Variants in HNF4G observed in about 807,000 individuals in gnomAD.
HNF4G encodes hepatocyte nuclear factor 4 gamma, also known as hepatocyte nuclear factor 4-gamma.
In HNF4G, 21 loss-of-function variants were observed where a neutral mutation model predicts 50.9. The observed-to-expected ratio is 0.41, with a 90% CI of 0.29 to 0.59. HNF4G has a LOEUF of 0.59. HNF4G is among the 20% of genes least tolerant of loss of function. The pLI is 0.26. For synonymous variants in HNF4G, 198 were observed against 185.6 expected (o/e 1.07, Z -0.54); for missense variants, 527 against 559.4 (o/e 0.94, Z 0.58).
chr8:75,515,956 G>A (rs556972714), intron 2 of HNF4G, among the ~76,000 whole-genome samples: 1 of 152,110 alleles, frequency 6.6e-6, no homozygotes, highest in African/African-American at 2.4e-5. Context: ...GTAGAGACAG[G>A]GTTTCTCATC....
intron 1 of HNF4G, among the ~76,000 whole-genome samples, chr8:75,487,476 T>C (rs1170144386): frequency 4.6e-5 from 7 of 152,128 alleles, no homozygotes; most frequent in Non-Finnish European, 1.0e-4. Flanking sequence ...AAACCCTCCA[T>C]AAAATAGTCC....
intron 2 of HNF4G, among the ~76,000 whole-genome samples, chr8:75,509,645 A>G (rs1324000284): frequency 6.6e-6 from 1 of 152,240 alleles, no homozygotes; most frequent in African/African-American, 2.4e-5. Context: ...CACGTGATGT[A>G]TAATGATGTT....
intron 1 of HNF4G, among the ~76,000 whole-genome samples, chr8:75,449,882 A>T (rs1356385626): frequency 6.6e-6 from 1 of 152,120 alleles, no homozygotes; most frequent in Non-Finnish European, 1.5e-5. Context: ...ATCTACTTAA[A>T]ATCTATTCTC....
At chr8:75,420,949 A>G (rs928689972) in intron 1 of HNF4G, among the ~76,000 whole-genome samples, 2 of 152,220 alleles carry the variant, frequency 1.3e-5, no homozygotes, top group Non-Finnish European at 2.9e-5. Flanking sequence ...AAGAAGTGCT[A>G]GTTGAGGACT....
chr8:75,541,088 C>T (rs1806608162), intron 1 of HNF4G, among the ~76,000 whole-genome samples: 1 of 151,984 alleles, frequency 6.6e-6, no homozygotes, highest in African/African-American at 2.4e-5. Flanking sequence ...TTCAGGAAAT[C>T]ACTGTTTTGT....
chr8:75,552,991 G>A (rs1239258592), intron 4 of HNF4G, 51 bp from the exon 5 acceptor site: 4 of 1,344,926 alleles, frequency 3.0e-6, no homozygotes, highest in South Asian at 1.4e-5. Flanking sequence ...AAAGGGGAAT[G>A]TTGGCCATCT....
intron 1 of HNF4G, among the ~76,000 whole-genome samples, chr8:75,411,580 A>T (rs1382884964): frequency 6.6e-6 from 1 of 152,206 alleles, no homozygotes; most frequent in Admixed American, 6.5e-5. Context: ...GTTCCCCTGA[A>T]AACCTTTTAT....
At chr8:75,513,598 C>T (rs907756039) in intron 2 of HNF4G, among the ~76,000 whole-genome samples, 1 of 152,026 alleles carries the variant, frequency 6.6e-6, no homozygotes, top group Non-Finnish European at 1.5e-5. Context: ...TTAATCTTTG[C>T]ATTTTTATTT....
rs139215186 is a variant in HNF4G, at chr8:75,414,268, C to G, written c.-144+6106C>G. ...ATAAATGGAATCATATACTATGTAC[C>G]CTTTTATGTCTTTTTTTTTAATTTA... On this transcript the variant is annotated intron_variant, in intron 1 of 10. Transcript: ENST00000354370. 8.2e-3 allele frequency among the ~76,000 whole-genome samples: 1,246 copies of G among 151,846 alleles called. 21 individuals are homozygous for G. Among genetic ancestry groups the G allele is most frequent in the African/African-American group, 0.028 (1,149 of 41,412 alleles).
intron 2 of HNF4G, among the ~76,000 whole-genome samples, chr8:75,512,631 A>AT (rs1344743292): frequency 6.6e-6 from 1 of 151,536 alleles, no homozygotes; most frequent in Non-Finnish European, 1.5e-5. Context: ...CGCCCGGCTA[A>AT]TTTTTTGTAT....
At chr8:75,448,605 T>C (rs1811491169) in intron 1 of HNF4G, among the ~76,000 whole-genome samples, 1 of 151,716 alleles carries the variant, frequency 6.6e-6, no homozygotes, top group East Asian at 1.9e-4. Context: ...TATTGTAATA[T>C]GTATAAGGGG....
chr8:75,553,102 G>A lies in HNF4G; in HGVS notation c.550G>A (p.Gly184Ser), dbSNP rs1411356434. ...AAACGTTAAGAAAATTGCAAGTATT[G>A]GTGATGTCTGTGAATCTATGAAACA... ...DINVKKIASI[G>S]DVCESMKQQL... Residue 184 changes from glycine to serine, a missense_variant, in exon 5 of 10, where the codon GGT (glycine) becomes AGT (serine). Around this residue, in one of 5 missense-constraint regions of HNF4G, gnomAD observed 128 missense variants for 135.3 expected, o/e 0.95. Transcript: ENST00000396423. 1 of 1,612,302 alleles carries A rather than the reference G, an allele frequency of 6.2e-7. No individual in the cohort carries two copies. The highest frequency in any genetic ancestry group is 8.5e-7 in the Non-Finnish European group (1 of 1,178,742).
At chr8:75,543,698 G>C in intron 1 of HNF4G, 113 bp from the exon 2 acceptor site, 1 of 784,726 alleles carries the variant, frequency 1.3e-6, no homozygotes, top group Non-Finnish European at 2.0e-6. Flanking sequence ...CACCAGTGTG[G>C]GGTCTCCAAG....
intron 1 of HNF4G, among the ~76,000 whole-genome samples, chr8:75,429,866 A>G (rs935619557): frequency 6.6e-6 from 1 of 152,106 alleles, no homozygotes; most frequent in Non-Finnish European, 1.5e-5. Context: ...TTAGCAAAAA[A>G]CCTAAAGATT....
chr8:75,440,934 T>G (rs898843874), intron 1 of HNF4G, among the ~76,000 whole-genome samples: 3 of 152,158 alleles, frequency 2.0e-5, no homozygotes, highest in African/African-American at 7.2e-5. Context: ...CATGGCTCAC[T>G]GCAGCCTCAA....
intron 2 of HNF4G, among the ~76,000 whole-genome samples, chr8:75,523,830 A>G (rs1294087917): frequency 6.6e-6 from 1 of 151,968 alleles, no homozygotes; most frequent in African/African-American, 2.4e-5. Context: ...AAATAATTTT[A>G]TATACTTCTA....
intron 1 of HNF4G, among the ~76,000 whole-genome samples, chr8:75,480,618 T>C (rs370869210): frequency 1.3e-5 from 2 of 152,200 alleles, no homozygotes; most frequent in Non-Finnish European, 2.9e-5. Flanking sequence ...TTAAGTGTTA[T>C]ACATATTACT....
chr8:75,443,459 G>C (rs1298570493), intron 1 of HNF4G, among the ~76,000 whole-genome samples: 1 of 152,058 alleles, frequency 6.6e-6, no homozygotes, highest in African/African-American at 2.4e-5. Flanking sequence ...TTATACGTTG[G>C]TAGTCAAAAA....
intron 2 of HNF4G, among the ~76,000 whole-genome samples, chr8:75,492,668 G>A (rs1227750717): frequency 6.6e-6 from 1 of 152,120 alleles, no homozygotes; most frequent in African/African-American, 2.4e-5. Context: ...CCAAAGCCTA[G>A]AGGGGGTTAC....
Sources: gnomAD v4.1 joint callset for allele counts (sites outside exome capture counted in the v4.1 genomes callset) on GRCh38, gnomAD v4.1.1 for gene constraint, gnomAD v4.1.1 regional missense constraint, MANE v1.5 for transcripts, NCBI Gene and HGNC (gene_info 2026-07-23, HGNC 2026-07-21) for gene names.